CSMD1: variants seen among roughly 807,000 people sequenced by gnomAD.
CSMD1 encodes CUB and sushi domain-containing protein 1.
A neutral mutation model predicts 417.5 loss-of-function variants in CSMD1; 213 were observed. The observed-to-expected ratio is 0.51, with a 90% CI of 0.46 to 0.57. The LOEUF is 0.57. Among genes scored for constraint, CSMD1 ranks in the 20% least tolerant of loss-of-function variants. CSMD1 has a pLI of 0.00. For missense variants in CSMD1, 6,923 were observed against 4,529.7 expected, an observed-to-expected ratio of 1.53 and a Z score of -15.17; for synonymous variants, 2,862 against 1,736.8, an observed-to-expected ratio of 1.65 and a Z score of -16.11.
rs867363485 is a variant in CSMD1 at position 3,889,468 on chromosome 8, T to C, written c.818+108435A>G. 1.1e-3 allele frequency among the ~76,000 whole-genome samples: 116 copies of C among 101,556 alleles called. 2 individuals carry two copies. Among genetic ancestry groups the C allele is most frequent in the African/African-American group, 3.7e-3 (104 of 28,160 alleles). The allele number at this position is 101,556 out of a possible 152,430, so 66.6% of individuals were successfully genotyped here. A position where few individuals can be genotyped will look rare whatever the true frequency, so the allele number is the denominator to read the frequency against. On this transcript the variant is annotated intron_variant, in intron 5 of 69. Transcript: ENST00000635120. ...TGATCTTTCCATATATATATATATATATATATATATATATATATATATATA... is the reference window on the plus strand; with the variant it reads ...TGATCTTTCCATATATATATATATACATATATATATATATATATATATATA...
chr8:3,962,043 C>T (rs1237261342), intron 5 of CSMD1, among the ~76,000 whole-genome samples: 1 of 152,162 alleles, frequency 6.6e-6, no homozygotes, highest in Non-Finnish European at 1.5e-5. Flanking sequence ...AGTTCCTGGA[C>T]ATGTGAGAAG....
At chr8:3,138,946 G>C (rs1818275278) in intron 41 of CSMD1, among the ~76,000 whole-genome samples, 1 of 152,190 alleles carries the variant, frequency 6.6e-6, no homozygotes, top group South Asian at 2.1e-4. Context: ...AATCTGGAAA[G>C]ACATTTAGGA....
At chr8:4,383,788 C>G (rs1303601963) in intron 3 of CSMD1, among the ~76,000 whole-genome samples, 4 of 151,906 alleles carry the variant, frequency 2.6e-5, no homozygotes, top group South Asian at 2.1e-4. Flanking sequence ...TTTCAAGTGT[C>G]AAATGCTACA....
At chr8:4,319,710 T>C (rs1226851354) in intron 3 of CSMD1, among the ~76,000 whole-genome samples, 1 of 151,866 alleles carries the variant, frequency 6.6e-6, no homozygotes, top group Admixed American at 6.6e-5. Context: ...TGGCAGTTCT[T>C]GGATTAGAGG....
At chr8:4,037,986 A>G (rs1733546277) in intron 3 of CSMD1, among the ~76,000 whole-genome samples, 1 of 152,216 alleles carries the variant, frequency 6.6e-6, no homozygotes. Flanking sequence ...TCAAAAAATA[A>G]TGTATAATTT....
intron 10 of CSMD1, among the ~76,000 whole-genome samples, chr8:3,510,298 C>G (rs921870175): frequency 6.6e-6 from 1 of 151,822 alleles, no homozygotes; most frequent in Admixed American, 6.5e-5. Flanking sequence ...CATGGCCTGC[C>G]TCTGTCTTCC....
chr8:3,741,627 G>C (rs146125949), intron 6 of CSMD1, among the ~76,000 whole-genome samples: 2 of 152,304 alleles, frequency 1.3e-5, no homozygotes, highest in African/African-American at 4.8e-5. Context: ...AGTGCAGACA[G>C]ATAACTTCTA....
intron 21 of CSMD1, among the ~76,000 whole-genome samples, chr8:3,354,811 C>CTCTA (rs1563303768): frequency 2.7e-5 from 4 of 146,810 alleles, no homozygotes; most frequent in Admixed American, 6.8e-5. Flanking sequence ...CTCTCTCTCT[C>CTCTA]TATATATATC....
chr8:3,839,703 G>C lies in CSMD1; in HGVS notation c.819-85661C>G, dbSNP rs1041777255. Among the ~76,000 whole-genome samples, 17 of 149,364 alleles carry C rather than the reference G, an allele frequency of 1.1e-4. No homozygotes were observed. In the East Asian group the frequency reaches 3.3e-3, roughly 29 times the overall value. ...TCCTTCATTTGGGAGCTGTTGTGGAGAATGAACAAGTCTCTTTAAAGCACT... is the reference window on the plus strand; with the variant it reads ...TCCTTCATTTGGGAGCTGTTGTGGACAATGAACAAGTCTCTTTAAAGCACT... On this transcript the variant is annotated intron_variant, in intron 5 of 69. Transcript: ENST00000635120.
chr8:4,454,694 G>T (rs912616502), intron 2 of CSMD1, among the ~76,000 whole-genome samples: 1 of 152,128 alleles, frequency 6.6e-6, no homozygotes, highest in African/African-American at 2.4e-5. Flanking sequence ...CTACATAGCA[G>T]CTAATCAACC....
intron 2 of CSMD1, among the ~76,000 whole-genome samples, chr8:4,624,126 T>C (rs1398770594): frequency 6.6e-6 from 1 of 152,146 alleles, no homozygotes; most frequent in East Asian, 1.9e-4. Flanking sequence ...TATACCAAAA[T>C]TCTAATTTAG....
chr8:4,189,188 C>T (rs1470254670), intron 3 of CSMD1, among the ~76,000 whole-genome samples: 1 of 152,206 alleles, frequency 6.6e-6, no homozygotes, highest in Non-Finnish European at 1.5e-5. Flanking sequence ...CACGTAAGTG[C>T]CCAGCTATGC....
Position 3,357,058 on chromosome 8 carries a change from G to T in CSMD1, c.3304+2094C>A, listed in dbSNP as rs532873200. ...TGGAGTGAGGTGGGGCTAGGAGGGT[G>T]GGGAGGAGGAGCCTGAACTGAGAGC... On this transcript the variant is annotated intron_variant, in intron 21 of 69. Transcript: ENST00000635120. Among the ~76,000 whole-genome samples the T allele has an allele frequency of 5.9e-5, 9 of 152,232 alleles. No homozygotes were observed. The East Asian group carries it at 1.7e-3, about 29-fold the overall frequency.
chr8:4,227,084 G>T (rs187811988), intron 3 of CSMD1, among the ~76,000 whole-genome samples: 39 of 152,200 alleles, frequency 2.6e-4, no homozygotes, highest in East Asian at 2.1e-3. Flanking sequence ...AATAAATGAC[G>T]CATGCCTGAG....
intron 3 of CSMD1, among the ~76,000 whole-genome samples, chr8:4,242,426 A>G (rs552783968): frequency 6.6e-6 from 1 of 152,336 alleles, no homozygotes; most frequent in Admixed American, 6.5e-5. Context: ...GATAAAATGT[A>G]TCATAATACT....
chr8:3,422,311 G>A (rs905214024), intron 12 of CSMD1, among the ~76,000 whole-genome samples: 3 of 152,118 alleles, frequency 2.0e-5, no homozygotes, highest in African/African-American at 4.8e-5. Context: ...CAATAATTTG[G>A]GGTTTGTTGA....
intron 5 of CSMD1, among the ~76,000 whole-genome samples, chr8:3,859,597 A>C (rs1427922864): frequency 6.6e-6 from 1 of 151,968 alleles, no homozygotes; most frequent in African/African-American, 2.4e-5. Context: ...AGAAAGACCA[A>C]CCATGTTATT....
intron 6 of CSMD1, 142 bp downstream of exon 6, chr8:3,753,788 G>A (rs878907389): frequency 3.6e-6 from 2 of 556,202 alleles, no homozygotes; most frequent in South Asian, 4.5e-5. Flanking sequence ...TCGACTATAT[G>A]ATTTCCAAAG....
intron 12 of CSMD1, among the ~76,000 whole-genome samples, chr8:3,464,034 A>T (rs981727108): frequency 6.6e-6 from 1 of 152,224 alleles, no homozygotes; most frequent in Admixed American, 6.5e-5. Flanking sequence ...ATTTTACTGG[A>T]ATCACTCTTA....
Sources: gnomAD v4.1 joint callset for allele counts (sites outside exome capture counted in the v4.1 genomes callset) on GRCh38, gnomAD v4.1.1 for gene constraint, MANE v1.5 for transcripts, NCBI Gene and HGNC (gene_info 2026-07-23, HGNC 2026-07-21) for gene names.